Variants in LARGE1 observed in about 807,000 individuals in gnomAD.
LARGE1 encodes the protein LARGE xylosyl- and glucuronyltransferase 1, also known as xylosyl- and glucuronyltransferase LARGE1.
A neutral mutation model predicts 87.6 loss-of-function variants in LARGE1; 43 were observed. The observed-to-expected ratio is 0.49, with a 90% confidence interval of 0.38 to 0.63. LARGE1 has a LOEUF of 0.63. LARGE1 is among the 30% of genes least tolerant of loss of function. LARGE1 has a pLI of 0.00. For synonymous variants in LARGE1, 434 were observed against 394.6 expected, an observed-to-expected ratio of 1.10 and a Z score of -1.18; for missense variants, 802 against 1,000.2, an observed-to-expected ratio of 0.80 and a Z score of 2.67.
At chr22:33,868,126 T>C (rs2064161675) in intron 1 of LARGE1, among the ~76,000 whole-genome samples, 1 of 152,172 alleles carries the variant, frequency 6.6e-6, no homozygotes, top group Non-Finnish European at 1.5e-5. Context: ...ACCAGCAACC[T>C]CGTCCATCTG....
chr22:33,767,079 C>T (rs1384119895), intron 1 of LARGE1, among the ~76,000 whole-genome samples: 1 of 150,578 alleles, frequency 6.6e-6, no homozygotes. Context: ...TTTGGGAGGC[C>T]GAGGCAGGTG....
At chr22:33,774,188 G>C (rs78749161) in intron 1 of LARGE1, among the ~76,000 whole-genome samples, 12,147 of 152,070 alleles carry the variant, frequency 0.08, 585 homozygotes, top group South Asian at 0.22. Flanking sequence ...CTACCCCTAT[G>C]AAACAAATTA....
rs2078172103 is a variant in LARGE1, at chr22:33,570,694, GC to G, written c.616-5676del. On this transcript the variant is annotated intron_variant, in intron 5 of 14. Coordinates refer to ENST00000397394, the MANE Select transcript of LARGE1 (RefSeq NM_133642.5). ...AATCACAAGCTGAAATCTGGAAAAT[GC>G]AAAGTCCCTCCCTCTGGTAGATCTC... 2.0e-5 allele frequency among the ~76,000 whole-genome samples: 3 copies of G among 147,444 alleles called. No individual in the cohort carries two copies. In the South Asian group the frequency reaches 6.5e-4, roughly 32 times the overall value.
chr22:33,766,934 A>ACTTCC (rs2084923390), intron 1 of LARGE1, among the ~76,000 whole-genome samples: 1 of 19,978 alleles, frequency 5.0e-5, no homozygotes, highest in African/African-American at 1.5e-4. Flanking sequence ...ATATATATAT[A>ACTTCC]TATATATATA....
downstream of LARGE1, among the ~76,000 whole-genome samples, chr22:33,159,426 T>G (rs1356932929): frequency 6.6e-6 from 1 of 152,192 alleles, no homozygotes; most frequent in Non-Finnish European, 1.5e-5. Context: ...CAGTGGAGTA[T>G]TTAAGGTCCC....
intron 11 of LARGE1, among the ~76,000 whole-genome samples, chr22:33,195,859 A>G (rs1312659680): frequency 6.8e-6 from 1 of 147,922 alleles, no homozygotes; most frequent in Non-Finnish European, 1.5e-5. Flanking sequence ...GGTTCACGCT[A>G]TTCTCCTGCC....
At chr22:33,617,147 G>A (rs567650665) in intron 4 of LARGE1, among the ~76,000 whole-genome samples, 77 of 152,276 alleles carry the variant, frequency 5.1e-4, no homozygotes, top group Non-Finnish European at 9.6e-4. Flanking sequence ...GCCTCTGACC[G>A]GGAGGTAAGT....
chr22:33,396,462 A>T (rs927384846), intron 7 of LARGE1, among the ~76,000 whole-genome samples: 2 of 127,104 alleles, frequency 1.6e-5, no homozygotes, highest in African/African-American at 7.2e-5. Context: ...AGAGAGAGTG[A>T]CAGAGAGAGA....
At chr22:33,883,210 G>A (rs1569010934) in intron 1 of LARGE1, among the ~76,000 whole-genome samples, 4 of 152,156 alleles carry the variant, frequency 2.6e-5, no homozygotes. Flanking sequence ...CAGTGTCGGG[G>A]AGCGCTGCTT....
the LARGE1 span, among the ~76,000 whole-genome samples, chr22:33,148,314 T>C: frequency 3.9e-5 from 6 of 152,230 alleles, no homozygotes; most frequent in Non-Finnish European, 8.8e-5. Context: ...GACTGTATTA[T>C]AAATGGAATA....
At chr22:33,160,759 C>G (rs778758288), downstream of LARGE1, among the ~76,000 whole-genome samples, 2 of 152,192 alleles carry the variant, frequency 1.3e-5, no homozygotes, top group Non-Finnish European at 2.9e-5. Flanking sequence ...GTGATAGACC[C>G]TTTTCATACA....
intron 11 of LARGE1, among the ~76,000 whole-genome samples, chr22:33,264,889 C>CTTTTTTTTT (rs200074908): frequency 1.7e-4 from 13 of 74,374 alleles, no homozygotes; most frequent in Non-Finnish European, 2.5e-4. Context: ...TGATCAAATT[C>CTTTTTTTTT]TTTTTTTTTT....
chr22:33,894,453 T>C (rs577199429), intron 1 of LARGE1, among the ~76,000 whole-genome samples: 96 of 152,138 alleles, frequency 6.3e-4, no homozygotes, highest in Non-Finnish European at 1.1e-3. Context: ...GACCCCCTTG[T>C]CTCCTCTTCT....
At chr22:33,425,044 A>T (rs1476673594) in intron 7 of LARGE1, among the ~76,000 whole-genome samples, 1 of 151,894 alleles carries the variant, frequency 6.6e-6, no homozygotes, top group African/African-American at 2.4e-5. Context: ...CGGGTGGATC[A>T]TGAGGTTAGG....
chr22:33,205,733 A>G (rs1924640986), intron 11 of LARGE1, among the ~76,000 whole-genome samples: 1 of 152,022 alleles, frequency 6.6e-6, no homozygotes, highest in African/African-American at 2.4e-5. Flanking sequence ...ATTTAGTACT[A>G]CTCAAGAGGG....
At chr22:33,867,174 A>T (rs1397162752) in intron 1 of LARGE1, among the ~76,000 whole-genome samples, 1 of 152,168 alleles carries the variant, frequency 6.6e-6, no homozygotes, top group East Asian at 1.9e-4. Context: ...CCCACGGTGG[A>T]TGGATGTGGC....
intron 6 of LARGE1, among the ~76,000 whole-genome samples, chr22:33,443,952 T>C (rs753021303): frequency 3.3e-5 from 5 of 152,262 alleles, no homozygotes; most frequent in African/African-American, 1.2e-4. Flanking sequence ...CCTCCATCCA[T>C]GGAAATTTTG....
intron 11 of LARGE1, among the ~76,000 whole-genome samples, chr22:33,220,185 C>T (rs1468523761): frequency 6.6e-6 from 1 of 152,106 alleles, no homozygotes; most frequent in Non-Finnish European, 1.5e-5. Flanking sequence ...TGTGAGGTCA[C>T]GCACAGCTCA....
intron 10 of LARGE1, among the ~76,000 whole-genome samples, chr22:33,333,511 C>T (rs1250231207): frequency 6.6e-6 from 1 of 152,184 alleles, no homozygotes; most frequent in Non-Finnish European, 1.5e-5. Flanking sequence ...TAGCCATGCC[C>T]CCAACATGCC....
Sources: allele counts gnomAD v4.1 joint callset (sites outside exome capture counted in the v4.1 genomes callset), GRCh38; gene constraint gnomAD v4.1.1; transcripts MANE v1.5; gene names NCBI Gene and HGNC (gene_info 2026-07-23, HGNC 2026-07-21).